The following PMFBP1 variants were observed in gnomAD, a reference collection of about 807,000 sequenced individuals.
The protein encoded by PMFBP1 is polyamine modulated factor 1 binding protein 1.
Under a neutral mutation model 137.8 loss-of-function variants are expected in PMFBP1, and 131 were observed. The ratio of observed to expected loss-of-function variants is 0.95; its 90% CI spans 0.82 to 1.10. PMFBP1 has a LOEUF of 1.10. PMFBP1 is among the 50% of genes least tolerant of loss of function. PMFBP1 has a pLI of 0.00. For missense variants in PMFBP1, 1,199 were observed against 1,175.4 expected (o/e 1.02, Z -0.29); for synonymous variants, 490 against 450.4 (o/e 1.09, Z -1.11).
the PMFBP1 span, among the ~76,000 whole-genome samples, chr16:72,226,799 A>C: frequency 1.3e-5 from 2 of 152,202 alleles, no homozygotes; most frequent in Non-Finnish European, 1.5e-5. Flanking sequence ...GTCTCGCCAC[A>C]ACATGTCAAG....
At chr16:72,227,260 C>A in the PMFBP1 span, among the ~76,000 whole-genome samples, 2 of 152,188 alleles carry the variant, frequency 1.3e-5, no homozygotes, top group Non-Finnish European at 2.9e-5. Flanking sequence ...ACAGGATAGT[C>A]TGCACTGTTA....
chr16:72,127,406 G>A (rs1480235082), intron 14 of PMFBP1, among the ~76,000 whole-genome samples: 1 of 152,142 alleles, frequency 6.6e-6, no homozygotes, highest in Non-Finnish European at 1.5e-5. Context: ...GGAGTCAGCA[G>A]GGTCTGCCCA....
At chr16:72,157,226 G>C (rs986512721) in intron 3 of PMFBP1, among the ~76,000 whole-genome samples, 1 of 142,650 alleles carries the variant, frequency 7.0e-6, no homozygotes, top group Non-Finnish European at 1.5e-5. Flanking sequence ...ACAAAATCCC[G>C]ACTTTGTGGA....
chr16:72,171,652 A>C (rs1567645078), intron 1 of PMFBP1: 1 of 160,354 alleles, frequency 6.2e-6, no homozygotes, highest in Non-Finnish European at 1.4e-5. Flanking sequence ...TCATTCTCAC[A>C]TGAACCCTGG....
chr16:72,150,215 T>A (rs1178893232), intron 5 of PMFBP1, among the ~76,000 whole-genome samples: 1 of 151,874 alleles, frequency 6.6e-6, no homozygotes, highest in Non-Finnish European at 1.5e-5. Context: ...GATTGGACAT[T>A]GTTAGGGAGA....
chr16:72,136,648 G>T, intron 8 of PMFBP1, 43 bp from the exon 9 acceptor site: 1 of 1,614,040 alleles, frequency 6.2e-7, no homozygotes, highest in Non-Finnish European at 8.5e-7. Context: ...GGGAGAGTTA[G>T]GCTTCCTTCT....
chr16:72,143,545 C>A (rs1430848868), intron 5 of PMFBP1, among the ~76,000 whole-genome samples: 1 of 150,970 alleles, frequency 6.6e-6, no homozygotes, highest in Non-Finnish European at 1.5e-5. Context: ...GAGTTCAAGA[C>A]CAGCCTGGCC....
upstream of PMFBP1, among the ~76,000 whole-genome samples, chr16:72,181,223 G>C (rs2043275330): frequency 6.7e-6 from 1 of 149,386 alleles, no homozygotes. Context: ...TGGCGACAGA[G>C]CAAGACTTCA....
At chr16:72,165,000 T>A in intron 2 of PMFBP1, 84 bp from the exon 3 acceptor site, 1 of 1,398,430 alleles carries the variant, frequency 7.2e-7, no homozygotes, top group Non-Finnish European at 9.5e-7. Flanking sequence ...TGACAGAGAC[T>A]TGAAATTTGC....
the PMFBP1 span, among the ~76,000 whole-genome samples, chr16:72,221,804 T>C: frequency 3.3e-5 from 5 of 152,222 alleles, no homozygotes; most frequent in Admixed American, 2.0e-4. Flanking sequence ...CATACTTTAA[T>C]GTTTAGACAT....
the PMFBP1 span, among the ~76,000 whole-genome samples, chr16:72,239,817 C>A: frequency 7.3e-6 from 1 of 136,408 alleles, no homozygotes; most frequent in Non-Finnish European, 1.5e-5. Context: ...ACCCAGGAGG[C>A]GGAGGTTGCA....
the PMFBP1 span, among the ~76,000 whole-genome samples, chr16:72,198,753 G>A: frequency 2.6e-5 from 4 of 152,090 alleles, no homozygotes; most frequent in East Asian, 1.9e-4. Context: ...CCCGTGGATC[G>A]GTGAATGATG....
At chr16:72,141,059 C>A (rs929424699) in intron 5 of PMFBP1, among the ~76,000 whole-genome samples, 2 of 151,698 alleles carry the variant, frequency 1.3e-5, no homozygotes, top group Admixed American at 6.6e-5. Context: ...CTCAGCCCCC[C>A]AAATAGCTAG....
intron 19 of PMFBP1, among the ~76,000 whole-genome samples, chr16:72,121,432 C>G (rs2042375797): frequency 6.6e-6 from 1 of 152,212 alleles, no homozygotes; most frequent in Non-Finnish European, 1.5e-5. Flanking sequence ...CATTGGCCTC[C>G]TTATTCCAAA....
At position 72,140,512 on chromosome 16, in the gene PMFBP1, T is replaced by A; in HGVS notation, c.707A>T (p.Gln236Leu). The A allele has an allele frequency of 1.2e-6, 2 of 1,613,100 alleles. No homozygotes were observed. Among genetic ancestry groups the A allele is most frequent in the Non-Finnish European group, 1.7e-6 (2 of 1,179,040 alleles). ...TTCAGACAGTCGTTTCTGAGTCTCC[T>A]GATGCTCTTGAATCATGCAAGGAGA... ...YTSPCMIQEH[Q>L]ETQKRLSEVW... The change falls in exon 6 of 21, where the codon CAG (glutamine) becomes CTG (leucine). Residue 236 changes from glutamine to leucine, a missense_variant. By Grantham distance (113) the Gln-to-Leu change is moderately radical. Coordinates refer to ENST00000237353, the MANE Select transcript of PMFBP1 (RefSeq NM_031293.3).
chr16:72,157,226 G>A (rs986512721), intron 3 of PMFBP1, among the ~76,000 whole-genome samples: 1 of 142,632 alleles, frequency 7.0e-6, no homozygotes, highest in Non-Finnish European at 1.5e-5. Context: ...ACAAAATCCC[G>A]ACTTTGTGGA....
At chr16:72,198,246 C>T in the PMFBP1 span, among the ~76,000 whole-genome samples, 3 of 152,270 alleles carry the variant, frequency 2.0e-5, no homozygotes, top group South Asian at 6.2e-4. Context: ...AATACTAACA[C>T]ATCATAGAGT....
At chr16:72,198,452 TA>T in the PMFBP1 span, among the ~76,000 whole-genome samples, 1 of 152,204 alleles carries the variant, frequency 6.6e-6, no homozygotes, top group African/African-American at 2.4e-5. Flanking sequence ...TCTATTTTTT[TA>T]TTCTTATTTT....
chr16:72,235,188 T>C, the PMFBP1 span, among the ~76,000 whole-genome samples: 2 of 152,186 alleles, frequency 1.3e-5, no homozygotes, highest in Non-Finnish European at 2.9e-5. Context: ...TTTATGTCTA[T>C]GATCGATTTT....
Sources: gnomAD v4.1 joint callset for allele counts (sites outside exome capture counted in the v4.1 genomes callset) on GRCh38, gnomAD v4.1.1 for gene constraint, MANE v1.5 for transcripts, NCBI Gene and HGNC (gene_info 2026-07-23, HGNC 2026-07-21) for gene names.